COL5A2: variants seen among roughly 807,000 people sequenced by gnomAD.
COL5A2 encodes collagen alpha-2(V) chain.
COL5A2 carries 23 observed loss-of-function variants against 208.2 expected under a neutral mutation model. That is an observed-to-expected ratio of 0.11 (90% CI 0.08 to 0.16). The LOEUF is 0.16. COL5A2 is among the 10% of genes least tolerant of loss of function. The pLI, the probability that COL5A2 is intolerant of heterozygous loss-of-function variation, is 1.00. For missense variants in COL5A2, 1,590 were observed against 1,956.4 expected, an observed-to-expected ratio of 0.81 and a Z score of 3.53; for synonymous variants, 625 against 628.5, an observed-to-expected ratio of 0.99 and a Z score of 0.08.
chr2:189,336,768 T>G, the COL5A2 span, among the ~76,000 whole-genome samples: 1 of 152,202 alleles, frequency 6.6e-6, no homozygotes, highest in African/African-American at 2.4e-5. Flanking sequence ...TGTATTGGTT[T>G]GAGTGGTGAC....
the COL5A2 span, among the ~76,000 whole-genome samples, chr2:189,416,779 A>G: frequency 6.6e-6 from 1 of 152,182 alleles, no homozygotes; most frequent in Admixed American, 6.5e-5. Flanking sequence ...TTTATTTCAA[A>G]ACTTCTGTAT....
chr2:189,243,338 A>G, the COL5A2 span, among the ~76,000 whole-genome samples: 1 of 152,182 alleles, frequency 6.6e-6, no homozygotes, highest in Non-Finnish European at 1.5e-5. Flanking sequence ...CTGCCAATAA[A>G]GACATATCCA....
chr2:189,052,678 T>C (rs1685815952), intron 40 of COL5A2, 71 bp downstream of exon 40: 1 of 1,421,044 alleles, frequency 7.0e-7, no homozygotes, highest in Admixed American at 1.7e-5. Flanking sequence ...AAATTATCTT[T>C]TACATGACCA....
rs757271535 is a variant in COL5A2 at position 189,050,641 on chromosome 2, G to A, written c.2967C>T (p.Thr989=). The A allele has an allele frequency of 1.6e-5, 25 of 1,552,376 alleles. No homozygotes were observed. Among genetic ancestry groups the A allele is most frequent in the South Asian group, 1.1e-4 (9 of 84,088 alleles). The change falls in exon 43 of 54, where the codon ACC becomes ACT. Residue 989 remains threonine (T), a synonymous_variant. Coordinates refer to ENST00000374866, the MANE Select transcript of COL5A2 (RefSeq NM_000393.5). ...GCATGCCAACAATTCCTCTCTGCCC[G>A]GTCGTTCCAGCTGGACCAGGGGGGC... ...PDGPPGPAGT[T]GQRGIVGMPG...
In COL5A2 at chr2:189,045,723, G is replaced by C. The variant is rs962998606; in HGVS notation, c.3309+77C>G. The C allele has an allele frequency of 2.3e-5, 25 of 1,073,478 alleles. No individual in the cohort carries two copies. In the East Asian group the frequency reaches 5.7e-4, roughly 24 times the overall value. 66.5% of individuals were successfully genotyped at this position (1,073,478 alleles called of 1,614,324 possible). ...ACGAAGTGCACATGTATGACTATGT[G>C]TGTGTGCCTATATGCAGCTTATAAC... On this transcript the variant is annotated intron_variant, in intron 46 of 53. Transcript: ENST00000374866.
the COL5A2 span, among the ~76,000 whole-genome samples, chr2:189,430,983 C>G: frequency 2.6e-5 from 4 of 152,194 alleles, no homozygotes; most frequent in Non-Finnish European, 5.9e-5. Context: ...GAGGAAGGAT[C>G]AGGCAGCAAT....
intron 12 of COL5A2, among the ~76,000 whole-genome samples, chr2:189,082,282 T>C (rs1686551733): frequency 6.6e-6 from 1 of 152,192 alleles, no homozygotes; most frequent in South Asian, 2.1e-4. Flanking sequence ...AAAGCAATAA[T>C]TCGTCTGTGA....
intron 51 of COL5A2, among the ~76,000 whole-genome samples, chr2:189,038,046 T>A (rs1419709401): frequency 6.6e-6 from 1 of 152,148 alleles, no homozygotes; most frequent in Non-Finnish European, 1.5e-5. Flanking sequence ...AGTTAACATT[T>A]ATTTTAAATA....
chr2:189,035,217 T>A, intron 52 of COL5A2, 62 bp from the exon 53 acceptor site: 1 of 1,592,384 alleles, frequency 6.3e-7, no homozygotes, highest in Non-Finnish European at 8.6e-7. Flanking sequence ...GCCTTACACA[T>A]GTATAGATAA....
chr2:189,266,270 A>C, the COL5A2 span, among the ~76,000 whole-genome samples: 658 of 152,188 alleles, frequency 4.3e-3, 2 homozygotes, highest in African/African-American at 0.015. Context: ...TACTAAAAAT[A>C]CAAAAATTAG....
the COL5A2 span, among the ~76,000 whole-genome samples, chr2:189,247,583 C>CT: frequency 9.4e-3 from 1,320 of 140,054 alleles, 6 homozygotes; most frequent in African/African-American, 0.023. Flanking sequence ...AAAAAAATTT[C>CT]TTTTTTTTTT....
chr2:189,283,132 G>A, the COL5A2 span, among the ~76,000 whole-genome samples: 2 of 151,834 alleles, frequency 1.3e-5, no homozygotes, highest in Non-Finnish European at 2.9e-5. Context: ...CTTCATGTGG[G>A]GAAATATAGT....
chr2:189,279,136 A>C, the COL5A2 span, among the ~76,000 whole-genome samples: 7 of 151,920 alleles, frequency 4.6e-5, no homozygotes, highest in African/African-American at 1.7e-4. Context: ...TAAAAATTCT[A>C]GTTTAAAAGA....
intron 45 of COL5A2, among the ~76,000 whole-genome samples, chr2:189,047,797 T>C (rs1344469808): frequency 6.6e-6 from 1 of 152,228 alleles, no homozygotes; most frequent in African/African-American, 2.4e-5. Flanking sequence ...CATCATGGAA[T>C]ATACAGTGTT....
the COL5A2 span, among the ~76,000 whole-genome samples, chr2:189,307,345 AT>A: frequency 2.0e-5 from 3 of 152,120 alleles, no homozygotes. Flanking sequence ...CTATATATAA[AT>A]TATACATATA....
chr2:189,235,431 A>G, the COL5A2 span, among the ~76,000 whole-genome samples: 2 of 151,768 alleles, frequency 1.3e-5, no homozygotes, highest in African/African-American at 4.8e-5. Context: ...AGCAAAAATC[A>G]TGTTTCACCC....
chr2:189,178,317 A>G (rs1185952439), intron 1 of COL5A2, among the ~76,000 whole-genome samples: 3 of 152,134 alleles, frequency 2.0e-5, no homozygotes, highest in Non-Finnish European at 2.9e-5. Flanking sequence ...GATTAATTTT[A>G]TAAACTTTTT....
the COL5A2 span, among the ~76,000 whole-genome samples, chr2:189,360,957 T>C: frequency 1.3e-5 from 2 of 151,648 alleles, no homozygotes; most frequent in Non-Finnish European, 2.9e-5. Context: ...TCTCATTCTT[T>C]TTTATGGCTG....
At chr2:189,228,016 C>G (rs1446251760), upstream of COL5A2, among the ~76,000 whole-genome samples, 6 of 151,850 alleles carry the variant, frequency 4.0e-5, no homozygotes, top group African/African-American at 1.4e-4. Flanking sequence ...TGGAAATCAA[C>G]TGCAGAAAGA....
Sources: allele counts gnomAD v4.1 joint callset (sites outside exome capture counted in the v4.1 genomes callset), GRCh38; gene constraint gnomAD v4.1.1; transcripts MANE v1.5; gene names NCBI Gene and HGNC (gene_info 2026-07-23, HGNC 2026-07-21).